CNOT10: variants seen among roughly 807,000 people sequenced by gnomAD.
The protein encoded by CNOT10 is CCR4-NOT transcription complex subunit 10.
Under a neutral mutation model 94.6 loss-of-function variants are expected in CNOT10, and 30 were observed. The ratio of observed to expected loss-of-function variants is 0.32; its 90% CI spans 0.24 to 0.43. The LOEUF (loss-of-function observed/expected upper bound fraction) is 0.43, where lower values mean the gene tolerates loss of function less well. CNOT10 is among the 20% of genes least tolerant of loss of function. The probability of loss-of-function intolerance (pLI) is 1.00; values close to 1 mark genes in which losing one functional copy is unlikely to be tolerated. For synonymous variants in CNOT10, 289 were observed against 301.6 expected (o/e 0.96, Z 0.43); for missense variants, 759 against 877.2 (o/e 0.87, Z 1.70).
chr3:32,723,403 A>G (rs1698511448), intron 8 of CNOT10, among the ~76,000 whole-genome samples: 1 of 152,050 alleles, frequency 6.6e-6, no homozygotes, highest in Non-Finnish European at 1.5e-5. Context: ...AAAAAAAAAA[A>G]AAGAAAAGAG....
chr3:32,741,345 C>G (rs1399170393), intron 13 of CNOT10, among the ~76,000 whole-genome samples: 1 of 121,330 alleles, frequency 8.2e-6, no homozygotes, highest in Non-Finnish European at 1.8e-5. Context: ...TTATTCCATT[C>G]CAGTTTGGGG....
chr3:32,751,274 A>AC (rs1559510306), intron 13 of CNOT10, among the ~76,000 whole-genome samples: 2 of 146,468 alleles, frequency 1.4e-5, no homozygotes, highest in Non-Finnish European at 3.0e-5. Flanking sequence ...CTAATTTTTA[A>AC]TTTTTTTTTT....
At chr3:32,729,972 T>G (rs910091257) in intron 10 of CNOT10, among the ~76,000 whole-genome samples, 4 of 151,054 alleles carry the variant, frequency 2.6e-5, no homozygotes, top group African/African-American at 9.7e-5. Flanking sequence ...GTTTCACCGT[T>G]TTAGCCGGGA....
In CNOT10 at chr3:32,694,858, A is replaced by C. The variant is rs554480878; in HGVS notation, c.23-9010A>C. ...CCTGCCTTGGCCTCCCAAAGAGCTG[A>C]GATTATAGGTGTGAGTCACCGCGCC... On this transcript the variant is annotated intron_variant, in intron 1 of 18. Transcript: ENST00000328834. Among the ~76,000 whole-genome samples, 586 of 151,778 alleles carry C rather than the reference A, an allele frequency of 3.9e-3. 4 individuals are homozygous for C. Among genetic ancestry groups the C allele is most frequent in the African/African-American group, 0.013 (541 of 41,420 alleles).
intron 2 of CNOT10, 28 bp downstream of exon 2, chr3:32,703,990 C>G: frequency 7.1e-7 from 1 of 1,404,626 alleles, no homozygotes; most frequent in East Asian, 2.3e-5. Context: ...TTAGTCTGCT[C>G]AAGTTGTAGG....
intron 13 of CNOT10, chr3:32,753,391 A>G: frequency 7.2e-7 from 1 of 1,396,858 alleles, no homozygotes; most frequent in Non-Finnish European, 1.0e-6. Context: ...ATGTTCAAAG[A>G]ATGATGTAAA....
At chr3:32,735,237 T>C (rs1699132747) in intron 12 of CNOT10, among the ~76,000 whole-genome samples, 1 of 152,008 alleles carries the variant, frequency 6.6e-6, no homozygotes, top group South Asian at 2.1e-4. Context: ...TGCCTGCCTG[T>C]AAAAGGCTGA....
intron 13 of CNOT10, among the ~76,000 whole-genome samples, chr3:32,748,099 C>G (rs1699787271): frequency 6.6e-6 from 1 of 152,232 alleles, no homozygotes; most frequent in South Asian, 2.1e-4. Context: ...CTGAAGCAGT[C>G]TTCCCACCTT....
chr3:32,708,899 C>A, intron 4 of CNOT10, 79 bp downstream of exon 4: 1 of 1,197,088 alleles, frequency 8.4e-7, no homozygotes, highest in Non-Finnish European at 1.2e-6. Flanking sequence ...CCTAGATAAC[C>A]TAAATCCGAG....
chr3:32,740,634 G>A (rs558198656), intron 13 of CNOT10, among the ~76,000 whole-genome samples: 6 of 151,958 alleles, frequency 3.9e-5, no homozygotes, highest in South Asian at 4.2e-4. Flanking sequence ...AGGCCGAGGC[G>A]GGTGGATCAC....
chr3:32,753,299 G>C, intron 13 of CNOT10: 1 of 919,758 alleles, frequency 1.1e-6, no homozygotes, highest in Non-Finnish European at 1.8e-6. Flanking sequence ...CCCAGAATCT[G>C]ATGTGTGGAC....
At chr3:32,737,313 CA>C (rs139514342) in intron 12 of CNOT10, 96 bp from the exon 13 acceptor site, 1,034 of 737,888 alleles carry the variant, frequency 1.4e-3, no homozygotes, top group Non-Finnish European at 1.6e-3. Flanking sequence ...AACTCTGTCT[CA>C]AAAAAAAAGT....
chr3:32,773,515 A>G lies in CNOT10; in HGVS notation c.2139A>G (p.Lys713=), dbSNP rs1026868582. The part of the protein sequence containing the change: ...IKRNQLLPAV[K]THSEVRKKPV... The stretch of plus-strand genomic sequence containing the variant: ...GGAATCAGCTGCTCCCTGCAGTGAA[A>G]ACACACTCTGAAGTGAGAAAGAAGC... Residue 713 remains lysine (K), a synonymous_variant, in exon 19 of 19, where the codon AAA becomes AAG. Coordinates refer to ENST00000328834, the MANE Select transcript of CNOT10 (RefSeq NM_015442.3). 2.5e-6 allele frequency: 4 copies of G among 1,614,128 alleles called. No homozygotes were observed. Among genetic ancestry groups the G allele is most frequent in the Non-Finnish European group, 3.4e-6 (4 of 1,180,008 alleles).
At chr3:32,728,289 T>A (rs948127085) in intron 10 of CNOT10, among the ~76,000 whole-genome samples, 1 of 152,134 alleles carries the variant, frequency 6.6e-6, no homozygotes. Context: ...AAATGTATAG[T>A]CTTCTCTTCT....
chr3:32,746,068 G>A (rs1037925496), intron 13 of CNOT10, among the ~76,000 whole-genome samples: 4 of 152,114 alleles, frequency 2.6e-5, no homozygotes, highest in Non-Finnish European at 4.4e-5. Flanking sequence ...CTTTTCCTTC[G>A]CATAAGGTAT....
chr3:32,756,797 T>C (rs1192968547), intron 13 of CNOT10, among the ~76,000 whole-genome samples: 1 of 152,212 alleles, frequency 6.6e-6, no homozygotes, highest in African/African-American at 2.4e-5. Flanking sequence ...CACTGACCTT[T>C]GGCAGAGTCA....
chr3:32,725,384 A>G (rs150956266), intron 8 of CNOT10, 66 bp from the exon 9 acceptor site: 356 of 1,273,190 alleles, frequency 2.8e-4, no homozygotes, highest in Admixed American at 1.0e-3. Flanking sequence ...GATGAGCCCA[A>G]TTCTTGTCTG....
intron 13 of CNOT10, among the ~76,000 whole-genome samples, chr3:32,742,724 CT>C (rs1469809222): frequency 6.6e-6 from 1 of 152,204 alleles, no homozygotes; most frequent in Non-Finnish European, 1.5e-5. Context: ...CTGTACCTTA[CT>C]TTGTTCCCAT....
At chr3:32,712,628 T>G (rs1305215435) in intron 4 of CNOT10, among the ~76,000 whole-genome samples, 1 of 152,076 alleles carries the variant, frequency 6.6e-6, no homozygotes, top group Non-Finnish European at 1.5e-5. Flanking sequence ...GGTGGATCAC[T>G]TGAGCTCAGG....
Sources: allele counts gnomAD v4.1 joint callset (sites outside exome capture counted in the v4.1 genomes callset), GRCh38; gene constraint gnomAD v4.1.1; transcripts MANE v1.5; gene names NCBI Gene and HGNC (gene_info 2026-07-23, HGNC 2026-07-21).